HCN1: variants seen among roughly 807,000 people sequenced by gnomAD.
HCN1 encodes potassium/sodium hyperpolarization-activated cyclic nucleotide-gated channel 1.
Under a neutral mutation model 78.9 loss-of-function variants are expected in HCN1, and 13 were observed. That is an observed-to-expected ratio of 0.16 (90% CI 0.11 to 0.26). HCN1 has a LOEUF of 0.26. HCN1 is among the 10% of genes least tolerant of loss of function. The pLI, the probability that HCN1 is intolerant of heterozygous loss-of-function variation, is 1.00. For missense variants in HCN1, 810 were observed against 1,154.3 expected (o/e 0.70, Z 4.32); for synonymous variants, 552 against 455.5 (o/e 1.21, Z -2.70).
chr5:45,361,287 T>A (rs921514155), intron 4 of HCN1, among the ~76,000 whole-genome samples: 1 of 152,122 alleles, frequency 6.6e-6, no homozygotes, highest in Non-Finnish European at 1.5e-5. Flanking sequence ...GTTCTAGTGA[T>A]TCTCCTGCCT....
At chr5:45,514,738 G>A (rs148246736) in intron 2 of HCN1, among the ~76,000 whole-genome samples, 73 of 152,052 alleles carry the variant, frequency 4.8e-4, no homozygotes, top group African/African-American at 1.5e-3. Context: ...GCCATGAACA[G>A]AATACACATT....
At chr5:45,458,722 C>G (rs1415526851) in intron 3 of HCN1, among the ~76,000 whole-genome samples, 1 of 152,096 alleles carries the variant, frequency 6.6e-6, no homozygotes, top group Non-Finnish European at 1.5e-5. Context: ...GTTCTATAAT[C>G]TAGCTGTGTG....
At chr5:45,479,681 T>G (rs1261407803) in intron 2 of HCN1, among the ~76,000 whole-genome samples, 1 of 152,156 alleles carries the variant, frequency 6.6e-6, no homozygotes, top group South Asian at 2.1e-4. Context: ...ACACTCAATA[T>G]AGGAAATACA....
In HCN1 at chr5:45,370,431, C is replaced by T. The variant is rs190315373; in HGVS notation, c.1231-17185G>A. 2.6e-4 allele frequency among the ~76,000 whole-genome samples: 39 copies of T among 152,008 alleles called. 1 individual carries two copies. The highest frequency in any genetic ancestry group is 9.2e-4 in the African/African-American group (38 of 41,512). On this transcript the variant is annotated intron_variant, in intron 4 of 7. Coordinates refer to ENST00000303230, the MANE Select transcript of HCN1 (RefSeq NM_021072.4). ...AAACATTGGGCATATATTCAACATA[C>T]TGTTATAGGTCATAGTAGAAAACAG...
At chr5:45,316,604 C>G (rs1448062095) in intron 5 of HCN1, among the ~76,000 whole-genome samples, 2 of 151,864 alleles carry the variant, frequency 1.3e-5, no homozygotes, top group Admixed American at 6.6e-5. Flanking sequence ...TATTCAATTA[C>G]AAAAAGAGGA....
chr5:45,511,930 A>T (rs2111758356), intron 2 of HCN1, among the ~76,000 whole-genome samples: 1 of 152,206 alleles, frequency 6.6e-6, no homozygotes, highest in African/African-American at 2.4e-5. Flanking sequence ...TTTTTGGCAA[A>T]TATAAAACTA....
chr5:45,352,276 C>T (rs1033715908), intron 5 of HCN1, among the ~76,000 whole-genome samples: 1 of 148,602 alleles, frequency 6.7e-6, no homozygotes, highest in African/African-American at 2.5e-5. Context: ...ATCGGAAGGA[C>T]AAAAAATCGA....
chr5:45,301,436 C>T (rs2111901212), intron 6 of HCN1, among the ~76,000 whole-genome samples: 1 of 150,832 alleles, frequency 6.6e-6, no homozygotes, highest in Admixed American at 6.6e-5. Context: ...AAAGCAATTC[C>T]AGTCAGGTGC....
At chr5:45,497,588 A>G (rs1324561503) in intron 2 of HCN1, among the ~76,000 whole-genome samples, 1 of 151,968 alleles carries the variant, frequency 6.6e-6, no homozygotes, top group Non-Finnish European at 1.5e-5. Context: ...TTTTGAGCCT[A>G]TGTGTGTCTC....
chr5:45,594,595 AG>A (rs1384826904), intron 2 of HCN1, among the ~76,000 whole-genome samples: 1 of 152,206 alleles, frequency 6.6e-6, no homozygotes, highest in African/African-American at 2.4e-5. Flanking sequence ...CAATGTCACG[AG>A]GGAAAGGGAA....
rs1372043768 is a variant in HCN1 at position 45,262,382 on chromosome 5, C to T, written c.2212G>A (p.Val738Ile). ...GTCTGCGGCGGCTGGGACTGCTGTA[C>T]CTGCTGCTGCGGCTGCTGTTGCATG... is the stretch of plus-strand genomic sequence containing the variant. ...SLMQQQPQQQ[V>I]QQSQPPQTQP... is the part of the protein sequence containing the mutation. Residue 738 changes from valine to isoleucine, a missense_variant, in exon 8 of 8, where the codon GTA (valine) becomes ATA (isoleucine). This residue lies in a region of HCN1 where 398 missense variants were observed against 381.3 expected (regional missense o/e 1.04). Transcript: ENST00000303230. 2 of 1,611,776 alleles carry T rather than the reference C, an allele frequency of 1.2e-6. No individual in the cohort carries two copies. Among genetic ancestry groups the T allele is most frequent in the African/African-American group, 1.3e-5 (1 of 74,890 alleles).
intron 2 of HCN1, among the ~76,000 whole-genome samples, chr5:45,504,668 T>C (rs1742259968): frequency 2.6e-5 from 4 of 152,306 alleles, no homozygotes; most frequent in East Asian, 3.9e-4. Context: ...CCTTGAGGAA[T>C]CACCACACTG....
At chr5:45,378,884 G>A (rs1432403068) in intron 4 of HCN1, among the ~76,000 whole-genome samples, 5 of 151,658 alleles carry the variant, frequency 3.3e-5, no homozygotes, top group Admixed American at 1.3e-4. Context: ...TTGTTTTTTT[G>A]TCCTTGCTAT....
At chr5:45,351,664 T>A (rs1439848893) in intron 5 of HCN1, among the ~76,000 whole-genome samples, 1 of 142,018 alleles carries the variant, frequency 7.0e-6, no homozygotes, top group Non-Finnish European at 1.5e-5. Flanking sequence ...TACAATGAAC[T>A]CAAACAAATT....
chr5:45,265,588 T>C (rs986262304), intron 7 of HCN1, among the ~76,000 whole-genome samples: 1 of 152,136 alleles, frequency 6.6e-6, no homozygotes, highest in African/African-American at 2.4e-5. Flanking sequence ...CCTACTAATA[T>C]AGAGAGAAAG....
At chr5:45,581,390 C>A (rs536442154) in intron 2 of HCN1, among the ~76,000 whole-genome samples, 1 of 151,828 alleles carries the variant, frequency 6.6e-6, no homozygotes, top group Non-Finnish European at 1.5e-5. Context: ...TTGTAAATTT[C>A]TTTGAGTTCT....
intron 2 of HCN1, among the ~76,000 whole-genome samples, chr5:45,555,983 G>T (rs1280596903): frequency 1.3e-5 from 2 of 151,928 alleles, no homozygotes; most frequent in East Asian, 3.9e-4. Flanking sequence ...AATAAATGGT[G>T]CTGGGAAAAT....
At chr5:45,303,576 T>G in intron 6 of HCN1, 23 bp downstream of exon 6, 3 of 1,612,202 alleles carry the variant, frequency 1.9e-6, no homozygotes, top group Non-Finnish European at 2.5e-6. Flanking sequence ...AGATTTCATC[T>G]TAGTTGCATC....
chr5:45,537,569 C>A, intron 2 of HCN1, among the ~76,000 whole-genome samples: 1 of 59,118 alleles, frequency 1.7e-5, no homozygotes, highest in African/African-American at 6.1e-5. Context: ...GACAGAGTTT[C>A]GCTCTTTTGC....
Sources: gnomAD v4.1 joint callset for allele counts (sites outside exome capture counted in the v4.1 genomes callset) on GRCh38, gnomAD v4.1.1 for gene constraint, gnomAD v4.1.1 regional missense constraint, MANE v1.5 for transcripts, NCBI Gene and HGNC (gene_info 2026-07-23, HGNC 2026-07-21) for gene names.